Variants in CFAP221 observed in about 807,000 individuals in gnomAD.
CFAP221 encodes cilia and flagella associated protein 221, also known as cilia- and flagella-associated protein 221.
A neutral mutation model predicts 113.1 loss-of-function variants in CFAP221; 97 were observed. The ratio of observed to expected loss-of-function variants is 0.86; its 90% confidence interval spans 0.73 to 1.02. The LOEUF is 1.02. CFAP221 is among the 50% of genes least tolerant of loss of function. CFAP221 has a pLI of 0.00. For synonymous variants in CFAP221, 331 were observed against 354.4 expected (o/e 0.93, Z 0.74); for missense variants, 1,025 against 1,013.4 (o/e 1.01, Z -0.16).
At chr2:119,571,222 C>G (rs1185148073) in intron 6 of CFAP221, among the ~76,000 whole-genome samples, 3 of 149,390 alleles carry the variant, frequency 2.0e-5, no homozygotes, top group Non-Finnish European at 4.4e-5. Flanking sequence ...CTCACTCAAC[C>G]TCCGCCTCCC....
intron 19 of CFAP221, among the ~76,000 whole-genome samples, chr2:119,633,150 A>G (rs1253401509): frequency 6.6e-6 from 1 of 152,082 alleles, no homozygotes; most frequent in Non-Finnish European, 1.5e-5. Flanking sequence ...ACATTTGGAT[A>G]TCTATTTACC....
intron 23 of CFAP221, 105 bp from the exon 24 acceptor site, chr2:119,656,257 A>T: frequency 1.2e-6 from 1 of 809,808 alleles, no homozygotes; most frequent in Non-Finnish European, 2.1e-6. Context: ...TTTGTATATT[A>T]AACGAAATGC....
rs763100763 is a variant in CFAP221, at chr2:119,611,714, A to G, written c.1283A>G (p.His428Arg). The change falls in exon 13 of 24, where the codon CAT (histidine) becomes CGT (arginine). Residue 428 changes from histidine (H) to arginine (R), a missense_variant. Coordinates refer to ENST00000413369, the MANE Select transcript of CFAP221 (RefSeq NM_001271049.2). ...EFQRLKTEVS[H>R]KRVVRNQEEK... The stretch of plus-strand genomic sequence containing the variant: ...CAGCGACTTAAAACAGAAGTTAGCC[A>G]TAAACGGGTTGTTCGCAATCAAGAA... 3 of 1,613,966 alleles carry G rather than the reference A, an allele frequency of 1.9e-6. No homozygotes were observed. Among genetic ancestry groups the G allele is most frequent in the South Asian group, 2.2e-5 (2 of 91,040 alleles).
At chr2:119,565,987 T>G (rs114900969) in intron 6 of CFAP221, among the ~76,000 whole-genome samples, 2,037 of 152,316 alleles carry the variant, frequency 0.013, 45 homozygotes, top group African/African-American at 0.047. Context: ...GGCACAGTGT[T>G]AGGTTCTGAG....
intron 7 of CFAP221, among the ~76,000 whole-genome samples, chr2:119,596,645 A>T (rs1234231311): frequency 6.6e-6 from 1 of 152,258 alleles, no homozygotes; most frequent in East Asian, 1.9e-4. Context: ...TTCGAGTTCC[A>T]GTCAAAAAAG....
intron 8 of CFAP221, chr2:119,601,687 G>A (rs538815478): frequency 9.4e-5 from 21 of 223,118 alleles, no homozygotes; most frequent in African/African-American, 3.2e-4. Flanking sequence ...TTGCCTAGTC[G>A]AAAATTTAAA....
intron 6 of CFAP221, among the ~76,000 whole-genome samples, chr2:119,569,790 A>G (rs952473908): frequency 2.0e-5 from 3 of 152,186 alleles, no homozygotes; most frequent in Non-Finnish European, 2.9e-5. Flanking sequence ...TAATAAGCCT[A>G]TCAAAGGCAT....
At chr2:119,613,298 G>A (rs1225488568) in intron 13 of CFAP221, among the ~76,000 whole-genome samples, 1 of 152,190 alleles carries the variant, frequency 6.6e-6, no homozygotes, top group South Asian at 2.1e-4. Flanking sequence ...GAGGATGGTG[G>A]CCCTCTTCTT....
intron 14 of CFAP221, among the ~76,000 whole-genome samples, chr2:119,617,576 G>A (rs1057163031): frequency 2.8e-4 from 42 of 152,314 alleles, no homozygotes; most frequent in African/African-American, 1.0e-3. Flanking sequence ...CTGAGTAATG[G>A]CTCAGACAGT....
chr2:119,571,226 G>A (rs539044858), intron 6 of CFAP221, among the ~76,000 whole-genome samples: 16 of 125,242 alleles, frequency 1.3e-4, no homozygotes, highest in South Asian at 5.4e-4. Flanking sequence ...CTCAACCTCC[G>A]CCTCCCGGGT....
chr2:119,580,290 T>C (rs1188187148), intron 6 of CFAP221: 1 of 152,222 alleles, frequency 6.6e-6, no homozygotes, highest in Non-Finnish European at 1.5e-5. Context: ...TTCATTTTAC[T>C]GTTGACTGAA....
At chr2:119,631,745 TA>T (rs1686787368) in intron 19 of CFAP221, among the ~76,000 whole-genome samples, 1 of 151,970 alleles carries the variant, frequency 6.6e-6, no homozygotes, top group Non-Finnish European at 1.5e-5. Context: ...AGAAGATCAA[TA>T]AAATGAATAA....
chr2:119,593,647 G>A (rs1042299556), intron 7 of CFAP221, among the ~76,000 whole-genome samples: 20 of 152,110 alleles, frequency 1.3e-4, no homozygotes, highest in Admixed American at 1.3e-3. Flanking sequence ...AGACCATCCT[G>A]GCTAACACAG....
chr2:119,558,145 G>C (rs1680955623), intron 3 of CFAP221, among the ~76,000 whole-genome samples: 1 of 152,106 alleles, frequency 6.6e-6, no homozygotes, highest in Non-Finnish European at 1.5e-5. Flanking sequence ...CTGGACTCCA[G>C]CTTGAGGACT....
chr2:119,634,353 G>C (rs1225852574), intron 19 of CFAP221, among the ~76,000 whole-genome samples: 1 of 152,090 alleles, frequency 6.6e-6, no homozygotes, highest in Non-Finnish European at 1.5e-5. Context: ...TGTAGTCCCA[G>C]CTATTTGGGA....
chr2:119,598,853 C>T (rs1684174658), intron 7 of CFAP221, among the ~76,000 whole-genome samples: 1 of 152,154 alleles, frequency 6.6e-6, no homozygotes, highest in African/African-American at 2.4e-5. Context: ...AATAAATCAG[C>T]CGGGTCAAGG....
chr2:119,577,873 C>T (rs1310218795), intron 6 of CFAP221, among the ~76,000 whole-genome samples: 1 of 152,144 alleles, frequency 6.6e-6, no homozygotes, highest in Non-Finnish European at 1.5e-5. Flanking sequence ...AAAAACCACC[C>T]CGAAGGTAGT....
intron 6 of CFAP221, among the ~76,000 whole-genome samples, chr2:119,571,133 C>CTTTTTT (rs34017847): frequency 3.0e-3 from 279 of 93,048 alleles, no homozygotes; most frequent in Non-Finnish European, 3.8e-3. Flanking sequence ...TAACAACCCC[C>CTTTTTT]TTTTTTTTTT....
intron 6 of CFAP221, among the ~76,000 whole-genome samples, chr2:119,575,094 G>A (rs898592626): frequency 6.6e-6 from 1 of 152,178 alleles, no homozygotes; most frequent in African/African-American, 2.4e-5. Context: ...AGTGTGGTTT[G>A]AAGATGGTCA....
Sources: allele counts gnomAD v4.1 joint callset (sites outside exome capture counted in the v4.1 genomes callset), GRCh38; gene constraint gnomAD v4.1.1; transcripts MANE v1.5; gene names NCBI Gene and HGNC (gene_info 2026-07-23, HGNC 2026-07-21).